CUL2: variants seen among roughly 807,000 people sequenced by gnomAD.
CUL2 encodes the protein cullin-2.
CUL2 carries 22 observed loss-of-function variants against 110.2 expected under a neutral mutation model. The observed-to-expected ratio is 0.20, with a 90% CI of 0.14 to 0.28. The LOEUF (loss-of-function observed/expected upper bound fraction) is 0.28. Among genes scored for constraint, CUL2 ranks in the 10% least tolerant of loss-of-function variants. The probability of loss-of-function intolerance (pLI) is 1.00; values close to 1 mark genes in which losing one functional copy is unlikely to be tolerated. For missense variants in CUL2, 631 were observed against 905.5 expected (o/e 0.70, Z 3.89); for synonymous variants, 279 against 293.2 (o/e 0.95, Z 0.49).
intron 11 of CUL2, 103 bp from the exon 12 acceptor site, chr10:35,032,597 A>C (rs1588971846): frequency 1.3e-6 from 1 of 782,624 alleles, no homozygotes; most frequent in East Asian, 2.9e-5. Flanking sequence ...ACCCCGCCAC[A>C]TAAAACACAG....
At chr10:35,119,174 T>C (rs2087644571) in intron 1 of CUL2, among the ~76,000 whole-genome samples, 1 of 152,250 alleles carries the variant, frequency 6.6e-6, no homozygotes, top group Non-Finnish European at 1.5e-5. Context: ...CAAAGTTTGT[T>C]AAATAATTGT....
chr10:35,103,129 T>A (rs1024284750), intron 1 of CUL2, among the ~76,000 whole-genome samples: 1 of 151,928 alleles, frequency 6.6e-6, no homozygotes, highest in Non-Finnish European at 1.5e-5. Context: ...ATCCCAAATC[T>A]ACTTGACTCA....
chr10:35,089,927 G>A (rs1465123387), intron 1 of CUL2: 3 of 152,394 alleles, frequency 2.0e-5, no homozygotes, highest in Non-Finnish European at 2.9e-5. Flanking sequence ...TGGGGCCGCG[G>A]GAGAGGCGGC....
At chr10:35,017,735 C>T (rs760802495) in intron 17 of CUL2, among the ~76,000 whole-genome samples, 2 of 151,492 alleles carry the variant, frequency 1.3e-5, no homozygotes, top group Non-Finnish European at 2.9e-5. Flanking sequence ...ACCCTGGGAG[C>T]TCTAAGAGAT....
intron 8 of CUL2, among the ~76,000 whole-genome samples, chr10:35,043,332 A>T (rs2085843502): frequency 6.6e-6 from 1 of 152,164 alleles, no homozygotes; most frequent in Non-Finnish European, 1.5e-5. Flanking sequence ...AAGGGCTAAG[A>T]GCTTAGAACC....
chr10:35,095,036 C>T (rs748087959), upstream of CUL2, among the ~76,000 whole-genome samples: 3 of 152,000 alleles, frequency 2.0e-5, no homozygotes, highest in Non-Finnish European at 2.9e-5. Flanking sequence ...GTAATGTTGG[C>T]GGGGCACAAT....
chr10:35,099,863 A>G (rs59502768), intron 2 of CUL2, among the ~76,000 whole-genome samples: 2 of 152,176 alleles, frequency 1.3e-5, no homozygotes, highest in East Asian at 1.9e-4. Context: ...AGCCAAAAGA[A>G]AAAAAGAAAA....
At chr10:35,018,489 C>A (rs1041413362) in intron 17 of CUL2, among the ~76,000 whole-genome samples, 1 of 151,806 alleles carries the variant, frequency 6.6e-6, no homozygotes, top group African/African-American at 2.4e-5. Flanking sequence ...TTAGGCCGGG[C>A]GCAGTGGCTC....
chr10:35,053,398 G>C (rs1227661391), intron 5 of CUL2, among the ~76,000 whole-genome samples: 2 of 151,868 alleles, frequency 1.3e-5, no homozygotes, highest in Non-Finnish European at 2.9e-5. Context: ...CTTTGTTAAA[G>C]TTTCTATGAA....
At chr10:35,094,383 G>A (rs1018447747), upstream of CUL2, among the ~76,000 whole-genome samples, 1 of 151,988 alleles carries the variant, frequency 6.6e-6, no homozygotes, top group African/African-American at 2.4e-5. Context: ...TTACAAGCAC[G>A]TGCCACCACG....
intron 14 of CUL2, among the ~76,000 whole-genome samples, chr10:35,030,227 T>C (rs1206339912): frequency 1.3e-5 from 2 of 152,226 alleles, no homozygotes; most frequent in East Asian, 1.9e-4. Context: ...CTGTAGTCAA[T>C]TGAAAAAGTT....
chr10:35,061,769 GTT>G (rs570989508), intron 3 of CUL2, among the ~76,000 whole-genome samples: 34 of 128,430 alleles, frequency 2.6e-4, no homozygotes, highest in Admixed American at 2.4e-4. Flanking sequence ...ACTTATGAGG[GTT>G]TTTTTTTTTT....
chr10:35,043,121 A>G (rs2085838121), intron 8 of CUL2, among the ~76,000 whole-genome samples: 1 of 152,162 alleles, frequency 6.6e-6, no homozygotes, highest in Non-Finnish European at 1.5e-5. Flanking sequence ...TTCACTACAC[A>G]CGATGAATAA....
intron 17 of CUL2, among the ~76,000 whole-genome samples, chr10:35,021,952 A>G (rs1227446450): frequency 6.6e-6 from 1 of 151,054 alleles, no homozygotes; most frequent in Non-Finnish European, 1.5e-5. Flanking sequence ...TAGCTCTTGA[A>G]AACAAGTTGA....
At chr10:35,013,012 A>C (rs1270831483) in intron 19 of CUL2, among the ~76,000 whole-genome samples, 1 of 152,148 alleles carries the variant, frequency 6.6e-6, no homozygotes, top group Non-Finnish European at 1.5e-5. Flanking sequence ...TGAAAGTTTA[A>C]GAAGCATTTT....
intron 18 of CUL2, among the ~76,000 whole-genome samples, chr10:35,014,401 C>T (rs138001467): frequency 1.8e-3 from 268 of 152,270 alleles, no homozygotes; most frequent in African/African-American, 6.2e-3. Flanking sequence ...AGAATAACAA[C>T]TTCTGTATCA....
intron 5 of CUL2, among the ~76,000 whole-genome samples, chr10:35,052,145 A>G (rs1366236438): frequency 6.6e-6 from 1 of 152,176 alleles, no homozygotes; most frequent in South Asian, 2.1e-4. Flanking sequence ...CTACATCCAG[A>G]TAGGCTGTTG....
At chr10:35,058,857 T>TA (rs1439868505) in intron 4 of CUL2, among the ~76,000 whole-genome samples, 4 of 152,292 alleles carry the variant, frequency 2.6e-5, no homozygotes, top group African/African-American at 9.6e-5. Context: ...ATCCTTAAGC[T>TA]AGCTCAATAA....
At chr10:35,062,522 C>T (rs2086409212) in intron 3 of CUL2, among the ~76,000 whole-genome samples, 1 of 152,072 alleles carries the variant, frequency 6.6e-6, no homozygotes. Flanking sequence ...ATTTCCCTAA[C>T]ACAGTGCTTG....
Sources: allele counts gnomAD v4.1 joint callset (sites outside exome capture counted in the v4.1 genomes callset), GRCh38; gene constraint gnomAD v4.1.1; transcripts MANE v1.5; gene names NCBI Gene and HGNC (gene_info 2026-07-23, HGNC 2026-07-21).